The following DNM3 variants were observed in gnomAD, a reference collection of about 807,000 sequenced individuals.
DNM3 encodes dynamin-3.
Under a neutral mutation model 101.6 loss-of-function variants are expected in DNM3, and 47 were observed. The observed-to-expected ratio is 0.46, with a 90% CI of 0.37 to 0.59. The LOEUF (loss-of-function observed/expected upper bound fraction) is 0.59. Among genes scored for constraint, DNM3 ranks in the 20% least tolerant of loss-of-function variants. DNM3 has a pLI of 0.00. For missense variants in DNM3, 849 were observed against 1,085.7 expected (o/e 0.78, Z 3.06); for synonymous variants, 385 against 387.9 (o/e 0.99, Z 0.09).
intron 13 of DNM3, among the ~76,000 whole-genome samples, chr1:172,126,959 C>T (rs2056658596): frequency 6.6e-6 from 1 of 152,092 alleles, no homozygotes; most frequent in Non-Finnish European, 1.5e-5. Context: ...ATCACGTGTG[C>T]AAAGTGCTGC....
chr1:172,138,607 T>A (rs1452945538), intron 14 of DNM3: 3 of 204,110 alleles, frequency 1.5e-5, no homozygotes, highest in Non-Finnish European at 3.1e-5. Flanking sequence ...GGTTTTATTA[T>A]ATTTCATAGG....
At chr1:172,134,665 C>G (rs567121389) in intron 14 of DNM3, among the ~76,000 whole-genome samples, 7 of 152,142 alleles carry the variant, frequency 4.6e-5, no homozygotes, top group African/African-American at 1.7e-4. Context: ...AGGCTCTTTC[C>G]CAATAAAGCA....
At chr1:171,845,173 C>T (rs1305911903) in intron 1 of DNM3, among the ~76,000 whole-genome samples, 1 of 152,226 alleles carries the variant, frequency 6.6e-6, no homozygotes, top group Admixed American at 6.5e-5. Context: ...TGCCATATTG[C>T]ATCCTCCATG....
chr1:172,337,577 T>C (rs2066484904), intron 17 of DNM3, among the ~76,000 whole-genome samples: 1 of 152,184 alleles, frequency 6.6e-6, no homozygotes, highest in Non-Finnish European at 1.5e-5. Flanking sequence ...AACACCGTAA[T>C]TCCTGAATTT....
chr1:172,354,088 G>GGTGTGTGTGT (rs768549406), intron 17 of DNM3, among the ~76,000 whole-genome samples: 1 of 123,044 alleles, frequency 8.1e-6, no homozygotes, highest in African/African-American at 3.3e-5. Flanking sequence ...AAGGTGTTGG[G>GGTGTGTGTGT]GTGTGTGTGT....
chr1:172,074,948 C>G (rs192631960), intron 11 of DNM3, among the ~76,000 whole-genome samples: 1 of 152,208 alleles, frequency 6.6e-6, no homozygotes, highest in Non-Finnish European at 1.5e-5. Flanking sequence ...TAAAAGCATT[C>G]CTATTTCTCC....
At chr1:172,244,328 G>A (rs1573106669) in intron 14 of DNM3, among the ~76,000 whole-genome samples, 2 of 152,080 alleles carry the variant, frequency 1.3e-5, no homozygotes, top group African/African-American at 2.4e-5. Flanking sequence ...ATAAACATAC[G>A]TGTGCATGTG....
chr1:172,133,458 TG>T, intron 14 of DNM3: 8 of 982,848 alleles, frequency 8.1e-6, no homozygotes, highest in Non-Finnish European at 9.7e-6. Flanking sequence ...GGAGGGTAGT[TG>T]GGGGCAGGTG....
In DNM3 at chr1:172,350,071, G is replaced by A. The variant is rs1357571870; in HGVS notation, c.1893+26731G>A. The stretch of plus-strand genomic sequence containing the variant: ...AAATGCTAAATTGGTATCGATTTCT[G>A]AAAATAAAAATGCCTGTTCTTTTTT... On this transcript the variant is annotated intron_variant, in intron 17 of 20. Coordinates refer to ENST00000627582, the MANE Select transcript of DNM3 (RefSeq NM_015569.5). Among the ~76,000 whole-genome samples, 3 of 152,096 alleles carry A rather than the reference G, an allele frequency of 2.0e-5. No homozygotes were observed. In the East Asian group the frequency reaches 5.8e-4, roughly 29 times the overall value.
intron 4 of DNM3, among the ~76,000 whole-genome samples, chr1:171,993,110 G>C (rs2045745533): frequency 6.6e-6 from 1 of 151,766 alleles, no homozygotes. Context: ...TTTTAAATCA[G>C]ATATGAGAAA....
At chr1:172,206,695 T>A (rs1354364193) in intron 14 of DNM3, among the ~76,000 whole-genome samples, 2 of 152,070 alleles carry the variant, frequency 1.3e-5, no homozygotes. Context: ...GAAGTTAATA[T>A]TATTATGAGA....
chr1:172,091,345 A>G (rs1454552149), intron 12 of DNM3, among the ~76,000 whole-genome samples: 1 of 152,174 alleles, frequency 6.6e-6, no homozygotes, highest in Admixed American at 6.5e-5. Flanking sequence ...GTGTATCGGA[A>G]GGTGAGAAAT....
chr1:172,056,321 C>T (rs1358809876), intron 10 of DNM3, among the ~76,000 whole-genome samples: 2 of 152,198 alleles, frequency 1.3e-5, no homozygotes, highest in Admixed American at 6.5e-5. Flanking sequence ...CAGGGAAGCT[C>T]GAACTGGGTG....
At chr1:171,900,175 C>T (rs2038178163) in intron 1 of DNM3, among the ~76,000 whole-genome samples, 1 of 152,108 alleles carries the variant, frequency 6.6e-6, no homozygotes, top group Non-Finnish European at 1.5e-5. Flanking sequence ...GTTTTCATTG[C>T]AGAAAATAAA....
intron 14 of DNM3, among the ~76,000 whole-genome samples, chr1:172,211,928 G>A (rs1253257358): frequency 6.6e-6 from 1 of 152,060 alleles, no homozygotes; most frequent in Non-Finnish European, 1.5e-5. Flanking sequence ...ACATTTATGA[G>A]GATGAAGGAG....
chr1:171,979,442 C>T (rs1306245056), intron 2 of DNM3, among the ~76,000 whole-genome samples: 1 of 152,068 alleles, frequency 6.6e-6, no homozygotes, highest in Non-Finnish European at 1.5e-5. Flanking sequence ...TATAGTTTAT[C>T]TCTTGATTGT....
chr1:171,995,096 G>GTTT (rs35925537), intron 4 of DNM3, among the ~76,000 whole-genome samples: 24 of 49,646 alleles, frequency 4.8e-4, no homozygotes, highest in South Asian at 1.4e-3. Context: ...TGAAATCCAG[G>GTTT]TTTTTTTTTT....
chr1:172,368,935 G>C (rs1230703399), intron 17 of DNM3, among the ~76,000 whole-genome samples: 1 of 151,880 alleles, frequency 6.6e-6, no homozygotes, highest in Non-Finnish European at 1.5e-5. Context: ...GAACCAGGAA[G>C]AAATGGAAAA....
chr1:172,167,879 G>A (rs17361886), intron 14 of DNM3, among the ~76,000 whole-genome samples: 40,467 of 151,766 alleles, frequency 0.27, 5,826 homozygotes, highest in Middle Eastern at 0.34. Flanking sequence ...GAGAGACTTC[G>A]AGTTGTTAAA....
Sources: allele counts gnomAD v4.1 joint callset (sites outside exome capture counted in the v4.1 genomes callset), GRCh38; gene constraint gnomAD v4.1.1; transcripts MANE v1.5; gene names NCBI Gene and HGNC (gene_info 2026-07-23, HGNC 2026-07-21).